PRUNE2: variants seen among roughly 807,000 people sequenced by gnomAD.
PRUNE2 encodes prune homolog 2 with BCH domain.
In PRUNE2, 164 loss-of-function variants were observed where a neutral mutation model predicts 252.0. That is an observed-to-expected ratio of 0.65 (90% CI 0.57 to 0.74). PRUNE2 has a LOEUF of 0.74. Ranked by LOEUF, PRUNE2 falls within the 30% of genes least tolerant of loss-of-function variation. PRUNE2 has a pLI of 0.00. For synonymous variants in PRUNE2, 1,292 were observed against 1,350.2 expected (o/e 0.96, Z 0.94); for missense variants, 3,495 against 3,711.0 (o/e 0.94, Z 1.51).
chr9:76,719,735 C>T (rs1020180484), intron 6 of PRUNE2, among the ~76,000 whole-genome samples: 4 of 151,972 alleles, frequency 2.6e-5, no homozygotes, highest in African/African-American at 9.7e-5. Flanking sequence ...GCAGACTCAA[C>T]CTCCTAGGCT....
chr9:76,763,970 A>C (rs2052030697), intron 6 of PRUNE2, among the ~76,000 whole-genome samples: 1 of 152,246 alleles, frequency 6.6e-6, no homozygotes, highest in African/African-American at 2.4e-5. Flanking sequence ...CATTTGGACA[A>C]GACTTCACTA....
rs2046343255 is a variant in PRUNE2 at position 76,706,756 on chromosome 9, T to G, written c.5518A>C (p.Ile1840Leu). ...WKASPQEGRL[I>L]ESPFERELSD... ...AGCTCCCTTTCAAATGGACTTTCAA[T>G]TAGTCTCCCTTCCTGGGGTGAGGCC... Residue 1840 changes from isoleucine (I) to leucine (L), a missense_variant, in exon 8 of 19, where the codon ATT becomes CTT. Ile to Leu is a conservative substitution (Grantham distance 5). Coordinates refer to ENST00000376718, the MANE Select transcript of PRUNE2 (RefSeq NM_015225.3). The G allele has an allele frequency of 1.2e-6, 2 of 1,611,892 alleles. No homozygotes were observed. Among genetic ancestry groups the G allele is most frequent in the Non-Finnish European group, 1.7e-6 (2 of 1,178,962 alleles).
At chr9:76,632,110 T>A (rs1837918341) in intron 15 of PRUNE2, among the ~76,000 whole-genome samples, 1 of 152,236 alleles carries the variant, frequency 6.6e-6, no homozygotes, top group African/African-American at 2.4e-5. Context: ...TGAACATACA[T>A]GTGCATGTGT....
chr9:76,693,702 A>G (rs2045066205), intron 9 of PRUNE2, among the ~76,000 whole-genome samples: 1 of 152,062 alleles, frequency 6.6e-6, no homozygotes, highest in Non-Finnish European at 1.5e-5. Context: ...TTGGCCTCTC[A>G]AAGTGCTGGG....
intron 6 of PRUNE2, among the ~76,000 whole-genome samples, chr9:76,731,655 C>T (rs1020886791): frequency 7.9e-5 from 12 of 151,990 alleles, no homozygotes; most frequent in Non-Finnish European, 8.8e-5. Context: ...ACTTACAAAA[C>T]AAAATTGTAT....
At chr9:76,700,519 G>C (rs538890949) in intron 9 of PRUNE2, among the ~76,000 whole-genome samples, 34 of 152,062 alleles carry the variant, frequency 2.2e-4, no homozygotes, top group African/African-American at 8.0e-4. Flanking sequence ...CCTCTTCTTT[G>C]CCTTTCCAAA....
chr9:76,717,361 T>C (rs1317989597), intron 6 of PRUNE2, among the ~76,000 whole-genome samples: 2 of 152,186 alleles, frequency 1.3e-5, no homozygotes, highest in African/African-American at 4.8e-5. Context: ...TATTGTCTTC[T>C]AGCTACGCAG....
Position 76,708,942 on chromosome 9 carries a change from C to T in PRUNE2, c.3332G>A (p.Ser1111Asn), listed in dbSNP as rs2046505099. The change falls in exon 8 of 19, where the codon AGT (serine) becomes AAT (asparagine). Residue 1111 changes from serine to asparagine, a missense_variant. Transcript: ENST00000376718. ...STNSRQTAPD[S>N]LDLWNRVILE... ...AATCACTCTGTTCCACAAGTCGAGA[C>T]TGTCAGGGGCCGTCTGCCGGGAGTT... The T allele has an allele frequency of 2.5e-6, 4 of 1,614,034 alleles. No homozygotes were observed. Among genetic ancestry groups the T allele is most frequent in the Non-Finnish European group, 3.4e-6 (4 of 1,179,894 alleles).
At chr9:76,617,341 C>T (rs1330793519) in intron 18 of PRUNE2, among the ~76,000 whole-genome samples, 2 of 152,116 alleles carry the variant, frequency 1.3e-5, no homozygotes, top group African/African-American at 4.8e-5. Flanking sequence ...TTGGAAGAAC[C>T]CTTGCCCATT....
At chr9:76,625,132 A>C in intron 16 of PRUNE2, 7 of 1,029,610 alleles carry the variant, frequency 6.8e-6, no homozygotes, top group Non-Finnish European at 9.4e-6. Flanking sequence ...AAATGATTTA[A>C]ATGACAGTCA....
chr9:76,791,620 G>A (rs1229480699), intron 6 of PRUNE2, among the ~76,000 whole-genome samples: 1 of 134,758 alleles, frequency 7.4e-6, no homozygotes, highest in African/African-American at 2.6e-5. Context: ...CAATAATACT[G>A]CACCAATTAT....
At chr9:76,764,033 G>C (rs1420544667) in intron 6 of PRUNE2, among the ~76,000 whole-genome samples, 1 of 152,174 alleles carries the variant, frequency 6.6e-6, no homozygotes, top group Non-Finnish European at 1.5e-5. Context: ...AGGGTTAAAA[G>C]ATTATTTGTT....
At chr9:76,787,085 A>G (rs1197035856) in intron 6 of PRUNE2, 2 of 152,178 alleles carry the variant, frequency 1.3e-5, no homozygotes, top group Non-Finnish European at 2.9e-5. Context: ...GAGAATTCCA[A>G]TTAGGAACTC....
chr9:76,738,833 A>G (rs1203463039), intron 6 of PRUNE2: 1 of 152,212 alleles, frequency 6.6e-6, no homozygotes, highest in Non-Finnish European at 1.5e-5. Flanking sequence ...TTAAGCACAA[A>G]AGAATTATTT....
chr9:76,766,710 T>G (rs2052433899), intron 6 of PRUNE2, among the ~76,000 whole-genome samples: 1 of 152,116 alleles, frequency 6.6e-6, no homozygotes, highest in African/African-American at 2.4e-5. Context: ...TTGCTCCTGC[T>G]TTAGGGCCTT....
chr9:76,793,984 C>G (rs2055808270), intron 6 of PRUNE2, among the ~76,000 whole-genome samples: 1 of 152,182 alleles, frequency 6.6e-6, no homozygotes, highest in Admixed American at 6.5e-5. Context: ...AGGGCTTGGG[C>G]AACCACAGAT....
At chr9:76,749,483 AC>A (rs2050420121) in intron 6 of PRUNE2, among the ~76,000 whole-genome samples, 1 of 152,056 alleles carries the variant, frequency 6.6e-6, no homozygotes, top group Admixed American at 6.5e-5. Flanking sequence ...CCAGTGTATA[AC>A]CTCCATGTAC....
At chr9:76,741,084 A>G (rs1264241639) in intron 6 of PRUNE2, among the ~76,000 whole-genome samples, 1 of 152,220 alleles carries the variant, frequency 6.6e-6, no homozygotes, top group Non-Finnish European at 1.5e-5. Context: ...TAGGAACCCA[A>G]AAATTCCATT....
At chr9:76,662,058 C>A (rs1013891716) in intron 9 of PRUNE2, among the ~76,000 whole-genome samples, 1 of 152,098 alleles carries the variant, frequency 6.6e-6, no homozygotes, top group Non-Finnish European at 1.5e-5. Context: ...AACAATAAAG[C>A]CCTGCACATC....
Sources: gnomAD v4.1 joint callset for allele counts (sites outside exome capture counted in the v4.1 genomes callset) on GRCh38, gnomAD v4.1.1 for gene constraint, MANE v1.5 for transcripts, NCBI Gene and HGNC (gene_info 2026-07-23, HGNC 2026-07-21) for gene names.